The following GADL1 variants were observed in gnomAD, a reference collection of about 807,000 sequenced individuals.
GADL1 encodes the protein GAD like acidic amino acid decarboxylase 1, also known as acidic amino acid decarboxylase GADL1.
GADL1 carries 71 observed loss-of-function variants against 69.5 expected under a neutral mutation model. The ratio of observed to expected loss-of-function variants is 1.02; its 90% CI spans 0.84 to 1.25. GADL1 has a LOEUF of 1.25. Among genes scored for constraint, GADL1 ranks in the 50% most tolerant of loss-of-function variants. GADL1 has a pLI of 0.00. For missense variants in GADL1, 737 were observed against 631.8 expected (o/e 1.17, Z -1.79); for synonymous variants, 254 against 214.4 (o/e 1.18, Z -1.62).
chr3:30,797,651 T>A (rs533120791), intron 12 of GADL1: 1 of 139,844 alleles, frequency 7.2e-6, no homozygotes, highest in African/African-American at 2.5e-5. Flanking sequence ...TTTTTTGCGT[T>A]TTGTTTTGTT....
intron 11 of GADL1, among the ~76,000 whole-genome samples, chr3:30,806,942 C>T (rs1697266970): frequency 6.6e-6 from 1 of 152,214 alleles, no homozygotes; most frequent in Admixed American, 6.5e-5. Context: ...CATTACTAAT[C>T]TGGCAGAATA....
intron 14 of GADL1, among the ~76,000 whole-genome samples, chr3:30,739,768 T>G (rs1273515977): frequency 2.6e-5 from 4 of 152,218 alleles, no homozygotes; most frequent in Admixed American, 2.6e-4. Flanking sequence ...AAAATAATTC[T>G]TATTCCTGTA....
intron 9 of GADL1, among the ~76,000 whole-genome samples, chr3:30,837,343 A>T (rs1697890916): frequency 6.6e-6 from 1 of 152,136 alleles, no homozygotes; most frequent in Admixed American, 6.6e-5. Flanking sequence ...ATACTAAAGG[A>T]TGGGTAAACA....
At chr3:30,751,820 C>CT (rs568111007) in intron 14 of GADL1, among the ~76,000 whole-genome samples, 4 of 152,150 alleles carry the variant, frequency 2.6e-5, no homozygotes, top group African/African-American at 9.7e-5. Flanking sequence ...CCTTGGAAAG[C>CT]TTTTTTTGTC....
chr3:30,842,323 A>G (rs1412584723), intron 8 of GADL1, among the ~76,000 whole-genome samples: 1 of 150,982 alleles, frequency 6.6e-6, no homozygotes, highest in Non-Finnish European at 1.5e-5. Context: ...TTATAGATCA[A>G]ATGGTATTAT....
intron 14 of GADL1, among the ~76,000 whole-genome samples, chr3:30,769,588 C>T (rs1355894206): frequency 1.3e-5 from 2 of 152,084 alleles, no homozygotes; most frequent in African/African-American, 2.4e-5. Flanking sequence ...GGAAGATAGA[C>T]ATCTTCAGAA....
chr3:30,819,673 T>G (rs1697536477), intron 11 of GADL1, among the ~76,000 whole-genome samples: 1 of 151,972 alleles, frequency 6.6e-6, no homozygotes, highest in African/African-American at 2.4e-5. Flanking sequence ...TACATAAATT[T>G]AATAAGGACA....
At chr3:30,853,216 T>A (rs1698176919) in intron 4 of GADL1, among the ~76,000 whole-genome samples, 1 of 152,140 alleles carries the variant, frequency 6.6e-6, no homozygotes, top group Non-Finnish European at 1.5e-5. Flanking sequence ...CCCTAGGCAG[T>A]GGTTCTTTAT....
intron 8 of GADL1, among the ~76,000 whole-genome samples, chr3:30,839,527 A>AAAAAAAAAAAAAC (rs10524409): frequency 3.4e-5 from 5 of 148,616 alleles, no homozygotes; most frequent in African/African-American, 1.0e-4. Context: ...AAAAAAAAAA[A>AAAAAAAAAAAAAC]GGTTGGAAGA....
chr3:30,755,773 C>CT (rs1399855738), intron 14 of GADL1, among the ~76,000 whole-genome samples: 29 of 152,172 alleles, frequency 1.9e-4, no homozygotes, highest in African/African-American at 6.7e-4. Flanking sequence ...AGGCAAATGT[C>CT]TAGATACCTA....
intron 14 of GADL1, among the ~76,000 whole-genome samples, chr3:30,755,242 CTA>C (rs1401784535): frequency 6.6e-6 from 1 of 152,108 alleles, no homozygotes; most frequent in African/African-American, 2.4e-5. Flanking sequence ...TAATTACTGA[CTA>C]AAATATTCAA....
intron 14 of GADL1, among the ~76,000 whole-genome samples, chr3:30,773,595 T>C (rs1453264387): frequency 6.6e-6 from 1 of 152,192 alleles, no homozygotes; most frequent in Non-Finnish European, 1.5e-5. Flanking sequence ...AGTGGCTGTT[T>C]TAAACCCCTT....
intron 14 of GADL1, among the ~76,000 whole-genome samples, chr3:30,776,824 C>T (rs1696551526): frequency 6.6e-6 from 1 of 152,216 alleles, no homozygotes; most frequent in South Asian, 2.1e-4. Flanking sequence ...TCTCACCTCC[C>T]ATCACTGCTT....
chr3:30,778,118 C>T, intron 14 of GADL1, 61 bp downstream of exon 14: 8 of 926,304 alleles, frequency 8.6e-6, no homozygotes, highest in Non-Finnish European at 1.4e-5. Context: ...ATAGGATCAA[C>T]AGATAATGTA....
At chr3:30,862,207 T>C (rs911304731) in intron 1 of GADL1, among the ~76,000 whole-genome samples, 1 of 151,976 alleles carries the variant, frequency 6.6e-6, no homozygotes, top group African/African-American at 2.4e-5. Context: ...CATTGGCATT[T>C]CTACACATGC....
At chr3:30,810,533 T>C (rs1697330333) in intron 11 of GADL1, among the ~76,000 whole-genome samples, 1 of 152,184 alleles carries the variant, frequency 6.6e-6, no homozygotes, top group Non-Finnish European at 1.5e-5. Flanking sequence ...GCTTCTTTCC[T>C]TAATACATTT....
intron 3 of GADL1, among the ~76,000 whole-genome samples, chr3:30,856,245 G>A (rs1698228489): frequency 6.6e-6 from 1 of 152,018 alleles, no homozygotes; most frequent in Non-Finnish European, 1.5e-5. Flanking sequence ...ACAAAGTAAT[G>A]CCTGTATGAT....
intron 11 of GADL1, among the ~76,000 whole-genome samples, chr3:30,818,354 A>G (rs1697511391): frequency 6.6e-6 from 1 of 152,222 alleles, no homozygotes; most frequent in East Asian, 1.9e-4. Flanking sequence ...CAAAAAGGGA[A>G]CTTTATTTTT....
At chr3:30,880,314 CT>C (rs1002207443) in intron 1 of GADL1, among the ~76,000 whole-genome samples, 4 of 151,782 alleles carry the variant, frequency 2.6e-5, no homozygotes, top group South Asian at 2.1e-4. Flanking sequence ...TATGGTTTGG[CT>C]GTGTCCCCAC....
Sources: gnomAD v4.1 joint callset for allele counts (sites outside exome capture counted in the v4.1 genomes callset) on GRCh38, gnomAD v4.1.1 for gene constraint, MANE v1.5 for transcripts, NCBI Gene and HGNC (gene_info 2026-07-23, HGNC 2026-07-21) for gene names.